Variants in PPARA observed in about 807,000 individuals in gnomAD.
PPARA encodes the protein peroxisome proliferator-activated receptor alpha.
A neutral mutation model predicts 42.2 loss-of-function variants in PPARA; 22 were observed. The observed-to-expected ratio is 0.52, with a 90% CI of 0.37 to 0.74. The LOEUF is 0.74. Among genes scored for constraint, PPARA ranks in the 30% least tolerant of loss-of-function variants. PPARA has a pLI of 0.00. For synonymous variants in PPARA, 242 were observed against 239.3 expected, an observed-to-expected ratio of 1.01 and a Z score of -0.10; for missense variants, 465 against 608.2, an observed-to-expected ratio of 0.76 and a Z score of 2.48.
intron 6 of PPARA, 115 bp downstream of exon 6, chr22:46,218,516 A>G (rs767907718): frequency 6.5e-7 from 1 of 1,527,362 alleles, no homozygotes; most frequent in Admixed American, 1.7e-5. Context: ...CACCCAAGTC[A>G]TTTTGTAATC....
intron 5 of PPARA, among the ~76,000 whole-genome samples, 181 bp from the exon 6 acceptor site, chr22:46,218,081 TC>T (rs1934660121): frequency 6.6e-6 from 1 of 152,046 alleles, no homozygotes; most frequent in Non-Finnish European, 1.5e-5. Flanking sequence ...TCCACCCGCC[TC>T]AGCCTCCTAA....
chr22:46,230,054 T>C lies in PPARA; in HGVS notation c.712-1738T>C, dbSNP rs1162587970. 1.3e-5 allele frequency among the ~76,000 whole-genome samples: 2 copies of C among 152,180 alleles called. No individual in the cohort carries two copies. The highest frequency in any genetic ancestry group is 2.9e-5 in the Non-Finnish European group (2 of 68,042). Reference sequence around the variant, plus strand: ...CCTGGGATGCTTCTGCGCTTTGGGCTCCACTGTTCCAGCAGTGATTAGAAA... The same window carrying C: ...CCTGGGATGCTTCTGCGCTTTGGGCCCCACTGTTCCAGCAGTGATTAGAAA... On this transcript the variant is annotated intron_variant, in intron 7 of 8. Coordinates refer to ENST00000407236, the MANE Select transcript of PPARA (RefSeq NM_005036.6). This position sits in a 1 kb window ranked among gnomAD's most constrained non-coding sequence, Gnocchi z 5.0.
rs532028351 is a variant in PPARA at position 46,198,162 on chromosome 22, C to T, written c.-42-180C>T. On this transcript the variant is annotated intron_variant, in intron 3 of 8. Coordinates refer to ENST00000407236, the MANE Select transcript of PPARA (RefSeq NM_005036.6). ...CTGAGGCAGGAGAATGGTGTGAACC[C>T]GGGAGGCGGAGCTTGCAGTGAGCCG... Among the ~76,000 whole-genome samples, 291 of 142,730 alleles carry T rather than the reference C, an allele frequency of 2.0e-3. 5 individuals are homozygous for T. Among genetic ancestry groups the T allele is most frequent in the Non-Finnish European group, 3.9e-4 (26 of 66,656 alleles). 93.6% of individuals were successfully genotyped at this position (142,730 alleles called of 152,430 possible).
chr22:46,196,063 G>T lies in PPARA; in HGVS notation c.-42-2279G>T, dbSNP rs1169312494. 6.6e-6 allele frequency among the ~76,000 whole-genome samples: 1 copy of T among 152,206 alleles called. No homozygotes were observed. Among genetic ancestry groups the T allele is most frequent in the African/African-American group, 2.4e-5 (1 of 41,444 alleles). ...GCTGCTGCGTTTCCAGGAGGTAGAAGAACAGTGACAAGTGCACAGTCGGGT... is the reference window on the plus strand; with the variant it reads ...GCTGCTGCGTTTCCAGGAGGTAGAATAACAGTGACAAGTGCACAGTCGGGT... On this transcript the variant is annotated intron_variant, in intron 3 of 8. Coordinates refer to ENST00000407236, the MANE Select transcript of PPARA (RefSeq NM_005036.6). The surrounding 1 kb of genome is among the most constrained non-coding windows in gnomAD (Gnocchi z 5.6).
Position 46,216,455 on chromosome 22 carries a change from G to T in PPARA, c.369+1122G>T, listed in dbSNP as rs1934503175. On this transcript the variant is annotated intron_variant, in intron 5 of 8. Transcript: ENST00000407236. The surrounding 1 kb of genome is among the most constrained non-coding windows in gnomAD (Gnocchi z 4.5). Reference sequence around the variant, plus strand: ...TCACTTCATTCGAATACAAGACAGAGAGCTGTTACCGTTGATCTCTGGAGC... The same window carrying T: ...TCACTTCATTCGAATACAAGACAGATAGCTGTTACCGTTGATCTCTGGAGC... Among the ~76,000 whole-genome samples the T allele has an allele frequency of 6.6e-6, 1 of 151,986 alleles. No individual in the cohort carries two copies. The highest frequency in any genetic ancestry group is 1.5e-5 in the Non-Finnish European group (1 of 67,990).
chr22:46,205,987 G>A (rs1465477748), intron 4 of PPARA, among the ~76,000 whole-genome samples: 1 of 151,724 alleles, frequency 6.6e-6, no homozygotes, highest in Non-Finnish European at 1.5e-5. Flanking sequence ...TTTATACTAT[G>A]GTTTGATTTA....
intron 4 of PPARA, among the ~76,000 whole-genome samples, chr22:46,202,413 C>A (rs1905491022): frequency 6.6e-6 from 1 of 152,078 alleles, no homozygotes; most frequent in East Asian, 1.9e-4. Flanking sequence ...TAACCCAATT[C>A]CACAGACTGA....
At chr22:46,177,474 A>G (rs1929324891) in intron 3 of PPARA, among the ~76,000 whole-genome samples, 1 of 152,114 alleles carries the variant, frequency 6.6e-6, no homozygotes, top group Non-Finnish European at 1.5e-5. Flanking sequence ...AAAAAAAAAA[A>G]AAAAAAAATC....
In PPARA at chr22:46,192,606, G is replaced by C. The variant is rs558949678; in HGVS notation, c.-42-5736G>C. On this transcript the variant is annotated intron_variant, in intron 3 of 8. Coordinates refer to ENST00000407236, the MANE Select transcript of PPARA (RefSeq NM_005036.6). The surrounding 1 kb of genome is among the most constrained non-coding windows in gnomAD (Gnocchi z 4.3). ...CCTAAAAACTGAATCTCAGTAGTTT[G>C]AGCTTATGATATACAAGATGCAGCT... Among the ~76,000 whole-genome samples, 2 of 152,294 alleles carry C rather than the reference G, an allele frequency of 1.3e-5. No individual in the cohort carries two copies. Among genetic ancestry groups the C allele is most frequent in the South Asian group, 2.1e-4 (1 of 4,830 alleles).
intron 4 of PPARA, among the ~76,000 whole-genome samples, chr22:46,214,590 T>C (rs1934275280): frequency 6.9e-6 from 1 of 144,672 alleles, no homozygotes; most frequent in Non-Finnish European, 1.5e-5. Context: ...TCCGGAGATG[T>C]GCGGGTCTGG....
chr22:46,226,703 T>G (rs4253763), intron 7 of PPARA, among the ~76,000 whole-genome samples: 11 of 151,974 alleles, frequency 7.2e-5, no homozygotes, highest in Admixed American at 7.2e-4. Context: ...GGCAACATAG[T>G]GAGACCTCCT....
At position 46,183,797 on chromosome 22, in the gene PPARA, A is replaced by G. The variant is rs557197389; in HGVS notation, c.-43+6961A>G. Among the ~76,000 whole-genome samples the G allele has an allele frequency of 2.6e-5, 4 of 152,306 alleles. No homozygotes were observed. In the East Asian group the frequency reaches 7.7e-4, roughly 29 times the overall value. ...AAATTATCAAATGTCTAGATCGTTG[A>G]TGGTTGGAAGTAAAGTTGAGAAATG... On this transcript the variant is annotated intron_variant, in intron 3 of 8. Coordinates refer to ENST00000407236, the MANE Select transcript of PPARA (RefSeq NM_005036.6). The surrounding 1 kb of genome is among the most constrained non-coding windows in gnomAD (Gnocchi z 5.5).
chr22:46,214,278 A>G (rs934713377), intron 4 of PPARA, among the ~76,000 whole-genome samples: 1 of 152,114 alleles, frequency 6.6e-6, no homozygotes, highest in African/African-American at 2.4e-5. Context: ...AGATGTGTGC[A>G]GCGGAGATGT....
rs951860072 is a variant in PPARA, at chr22:46,233,671, C to T, written c.1159+1432C>T. On this transcript the variant is annotated intron_variant, in intron 8 of 8. Transcript: ENST00000407236. The surrounding 1 kb of genome is among the most constrained non-coding windows in gnomAD (Gnocchi z 7.3). ...TTGTGGGTAAAATGCAGTTGCAGAACTATTTATATGTAGCATGATCACAGT... is the reference window on the plus strand; with the variant it reads ...TTGTGGGTAAAATGCAGTTGCAGAATTATTTATATGTAGCATGATCACAGT... 5.3e-5 allele frequency among the ~76,000 whole-genome samples: 8 copies of T among 152,142 alleles called. No individual in the cohort carries two copies. The highest frequency in any genetic ancestry group is 1.9e-4 in the African/African-American group (8 of 41,420).
At position 46,216,647 on chromosome 22, in the gene PPARA, G is replaced by A. The variant is rs1027934077; in HGVS notation, c.369+1314G>A. ...AGCAGTTCCTTCCTGCACATCAGGG[G>A]CTTCTCCACCTGATTCAAGCGACAG... On this transcript the variant is annotated intron_variant, in intron 5 of 8. Coordinates refer to ENST00000407236, the MANE Select transcript of PPARA (RefSeq NM_005036.6). The surrounding 1 kb of genome is among the most constrained non-coding windows in gnomAD (Gnocchi z 4.5). Among the ~76,000 whole-genome samples the A allele has an allele frequency of 2.6e-5, 4 of 152,186 alleles. No homozygotes were observed. Among genetic ancestry groups the A allele is most frequent in the African/African-American group, 9.6e-5 (4 of 41,458 alleles).
At chr22:46,181,655 G>A (rs560053661) in intron 3 of PPARA, among the ~76,000 whole-genome samples, 9 of 152,266 alleles carry the variant, frequency 5.9e-5, no homozygotes, top group Admixed American at 2.6e-4. Flanking sequence ...GTGGCCAGCC[G>A]AGGGTACAAT....
rs4253775 is a variant in PPARA at position 46,233,095 on chromosome 22, T to C, written c.1159+856T>C. Among the ~76,000 whole-genome samples, 12,908 of 151,578 alleles carry C rather than the reference T, an allele frequency of 0.085. 1,876 individuals are homozygous for C. The highest frequency in any genetic ancestry group is 0.3 in the African/African-American group (12,223 of 41,216). Reference sequence around the variant, plus strand: ...TATATTATGATATTCCTGTATATATTATATAATGATGTTGTATTCATATTA... The same window carrying C: ...TATATTATGATATTCCTGTATATATCATATAATGATGTTGTATTCATATTA... On this transcript the variant is annotated intron_variant, in intron 8 of 8. Coordinates refer to ENST00000407236, the MANE Select transcript of PPARA (RefSeq NM_005036.6). This position sits in a 1 kb window ranked among gnomAD's most constrained non-coding sequence, Gnocchi z 7.3.
intron 2 of PPARA, among the ~76,000 whole-genome samples, chr22:46,170,635 G>A (rs1927870544): frequency 6.6e-6 from 1 of 151,642 alleles, no homozygotes; most frequent in Admixed American, 6.6e-5. Flanking sequence ...TTGAACGTCT[G>A]CCTGGTGTAG....
At chr22:46,151,353 G>A (rs1172737003) in intron 1 of PPARA, among the ~76,000 whole-genome samples, 2 of 152,164 alleles carry the variant, frequency 1.3e-5, no homozygotes, top group African/African-American at 4.8e-5. Context: ...GCTCCCGGTC[G>A]GGGCCGCTGA....
Sources: allele counts gnomAD v4.1 joint callset (sites outside exome capture counted in the v4.1 genomes callset), GRCh38; gene constraint gnomAD v4.1.1; non-coding constraint Gnocchi (gnomAD v3.1); transcripts MANE v1.5; gene names NCBI Gene and HGNC (gene_info 2026-07-23, HGNC 2026-07-21).